Variants in MACROD2 observed in about 807,000 individuals in gnomAD.
MACROD2 encodes mono-ADP ribosylhydrolase 2.
Under a neutral mutation model 70.4 loss-of-function variants are expected in MACROD2, and 36 were observed. The observed-to-expected ratio is 0.51, with a 90% CI of 0.39 to 0.68. MACROD2 has a LOEUF of 0.68. Among genes scored for constraint, MACROD2 ranks in the 30% least tolerant of loss-of-function variants. MACROD2 has a pLI of 0.00. For missense variants in MACROD2, 496 were observed against 538.4 expected (o/e 0.92, Z 0.78); for synonymous variants, 172 against 178.8 (o/e 0.96, Z 0.30).
At chr20:14,921,211 CATTTT>C (rs2074158705) in intron 5 of MACROD2, among the ~76,000 whole-genome samples, 1 of 152,094 alleles carries the variant, frequency 6.6e-6, no homozygotes, top group Admixed American at 6.6e-5. Flanking sequence ...TTTCCCATGA[CATTTT>C]AAAAATCCAT....
intron 6 of MACROD2, among the ~76,000 whole-genome samples, chr20:15,273,585 C>T (rs2077364831): frequency 1.3e-5 from 2 of 152,228 alleles, no homozygotes; most frequent in East Asian, 1.9e-4. Flanking sequence ...GTTGACCAGA[C>T]ATAAAAGATC....
At chr20:14,286,565 G>A (rs1163540756) in intron 3 of MACROD2, among the ~76,000 whole-genome samples, 2 of 151,984 alleles carry the variant, frequency 1.3e-5, no homozygotes, top group Non-Finnish European at 2.9e-5. Context: ...ATTTTATGGT[G>A]TCTCATAATA....
At chr20:14,190,529 G>T (rs1291544093) in intron 3 of MACROD2, among the ~76,000 whole-genome samples, 1 of 150,452 alleles carries the variant, frequency 6.6e-6, no homozygotes, top group Admixed American at 6.6e-5. Flanking sequence ...TCTCCTTTTG[G>T]TAAGGAGACA....
At position 15,636,104 on chromosome 20, in the gene MACROD2, A is replaced by G. The variant is rs55677561; in HGVS notation, c.645+136257A>G. ...AAAAAAAAAAAAAAGAAAGAAAAGA[A>G]AAGAAAAAAGAAAAGGAAAAAGAGG... On this transcript the variant is annotated intron_variant, in intron 8 of 17. Transcript: ENST00000684519. 6.6e-3 allele frequency among the ~76,000 whole-genome samples: 934 copies of G among 141,892 alleles called. 13 individuals carry two copies. Among genetic ancestry groups the G allele is most frequent in the African/African-American group, 0.025 (906 of 36,682 alleles). The allele number at this position is 141,892 out of a possible 152,430, so 93.1% of individuals were successfully genotyped here. A position where few individuals can be genotyped will look rare whatever the true frequency, so the allele number is the denominator to read the frequency against.
chr20:14,679,344 C>T (rs143028820), intron 4 of MACROD2, among the ~76,000 whole-genome samples: 32 of 152,160 alleles, frequency 2.1e-4, no homozygotes, highest in South Asian at 2.1e-4. Context: ...TAGAGGGTAC[C>T]GTGCAAAGGA....
chr20:15,887,652 C>T (rs1174215488), intron 10 of MACROD2, among the ~76,000 whole-genome samples: 1 of 152,120 alleles, frequency 6.6e-6, no homozygotes, highest in Non-Finnish European at 1.5e-5. Flanking sequence ...ATGTTCTATT[C>T]TAATGCTGTC....
At chr20:15,651,091 T>C (rs1354371801) in intron 8 of MACROD2, among the ~76,000 whole-genome samples, 1 of 152,198 alleles carries the variant, frequency 6.6e-6, no homozygotes, top group African/African-American at 2.4e-5. Flanking sequence ...AATGGTTGGG[T>C]TTTTGGTTTG....
At chr20:14,258,475 G>A (rs905768951) in intron 3 of MACROD2, among the ~76,000 whole-genome samples, 2 of 152,102 alleles carry the variant, frequency 1.3e-5, no homozygotes, top group African/African-American at 4.8e-5. Flanking sequence ...TAGTGATGCT[G>A]AGCATATTTT....
At chr20:14,718,292 C>CAAAAAAAAACAAAA (rs557535465) in intron 5 of MACROD2, among the ~76,000 whole-genome samples, 1 of 54,640 alleles carries the variant, frequency 1.8e-5, no homozygotes, top group Non-Finnish European at 3.0e-5. Flanking sequence ...GACTCTGTCT[C>CAAAAAAAAACAAAA]AAAAAAAAAA....
intron 5 of MACROD2, among the ~76,000 whole-genome samples, chr20:14,786,237 A>AGAGAGAGAGT (rs1555830144): frequency 6.7e-6 from 1 of 150,274 alleles, no homozygotes; most frequent in Non-Finnish European, 1.5e-5. Flanking sequence ...AGAGAGAGAG[A>AGAGAGAGAGT]ATATGAGGGA....
chr20:14,809,634 C>T (rs1388890924), intron 5 of MACROD2, among the ~76,000 whole-genome samples: 1 of 151,860 alleles, frequency 6.6e-6, no homozygotes, highest in Non-Finnish European at 1.5e-5. Context: ...TCAAAAAAAT[C>T]AATGAATCCA....
intron 8 of MACROD2, among the ~76,000 whole-genome samples, chr20:15,795,561 C>A (rs951785134): frequency 6.6e-6 from 1 of 152,146 alleles, no homozygotes; most frequent in African/African-American, 2.4e-5. Flanking sequence ...TAAACACTTT[C>A]TCTTGTAATT....
At chr20:14,747,082 A>G (rs1459683309) in intron 5 of MACROD2, among the ~76,000 whole-genome samples, 2 of 152,190 alleles carry the variant, frequency 1.3e-5, no homozygotes, top group African/African-American at 2.4e-5. Flanking sequence ...TCATGCTGCT[A>G]TCCAACAAAA....
At chr20:14,093,702 C>A (rs547051226) in intron 3 of MACROD2, among the ~76,000 whole-genome samples, 98 of 150,814 alleles carry the variant, frequency 6.5e-4, no homozygotes, top group African/African-American at 2.2e-3. Context: ...AACAAAAAAA[C>A]CCCAGGAAAA....
chr20:15,961,484 C>G (rs1346966927), intron 12 of MACROD2, among the ~76,000 whole-genome samples: 1 of 152,172 alleles, frequency 6.6e-6, no homozygotes, highest in East Asian at 1.9e-4. Flanking sequence ...AAGTGTCTGG[C>G]TAAAAGCAAT....
At chr20:15,330,236 C>T (rs146796159) in intron 6 of MACROD2, among the ~76,000 whole-genome samples, 1,733 of 152,058 alleles carry the variant, frequency 0.011, 19 homozygotes, top group Middle Eastern at 0.031. Flanking sequence ...CACCATGAAC[C>T]GAGCAATGGG....
chr20:14,715,359 C>A (rs1220519524), intron 5 of MACROD2, among the ~76,000 whole-genome samples: 1 of 152,136 alleles, frequency 6.6e-6, no homozygotes, highest in Non-Finnish European at 1.5e-5. Flanking sequence ...GGGGACACAG[C>A]CAAACCATAT....
At chr20:15,774,739 A>AG (rs1382635401) in intron 8 of MACROD2, among the ~76,000 whole-genome samples, 1 of 152,142 alleles carries the variant, frequency 6.6e-6, no homozygotes, top group Non-Finnish European at 1.5e-5. Flanking sequence ...CGAGTTTCAG[A>AG]GAAAAAAAGG....
intron 8 of MACROD2, among the ~76,000 whole-genome samples, chr20:15,738,354 G>T (rs552842729): frequency 6.6e-6 from 1 of 152,168 alleles, no homozygotes; most frequent in Admixed American, 6.6e-5. Flanking sequence ...CAGAAGTAAA[G>T]ATTAGAGAAT....
Sources: allele counts gnomAD v4.1 joint callset (sites outside exome capture counted in the v4.1 genomes callset), GRCh38; gene constraint gnomAD v4.1.1; transcripts MANE v1.5; gene names NCBI Gene and HGNC (gene_info 2026-07-23, HGNC 2026-07-21).